Variants in AGAP3 observed in about 807,000 individuals in gnomAD.
AGAP3 encodes the protein ArfGAP with GTPase domain, ankyrin repeat and PH domain 3, also known as arf-GAP with GTPase, ANK repeat and PH domain-containing protein 3.
In AGAP3, 24 loss-of-function variants were observed where a neutral mutation model predicts 96.9. The observed-to-expected ratio is 0.25, with a 90% CI of 0.18 to 0.35. AGAP3 has a LOEUF of 0.35. Among genes scored for constraint, AGAP3 ranks in the 10% least tolerant of loss-of-function variants. The pLI, the probability that AGAP3 is intolerant of heterozygous loss-of-function variation, is 1.00. For synonymous variants in AGAP3, 563 were observed against 536.1 expected, an observed-to-expected ratio of 1.05 and a Z score of -0.69; for missense variants, 876 against 1,254.2, an observed-to-expected ratio of 0.70 and a Z score of 4.55.
At chr7:151,125,900 C>A (rs931716498) in intron 9 of AGAP3, among the ~76,000 whole-genome samples, 1 of 152,266 alleles carries the variant, frequency 6.6e-6, no homozygotes, top group African/African-American at 2.4e-5. Flanking sequence ...GCCTCTGCGC[C>A]GTTCCCATTC....
chr7:151,089,249 T>C (rs1798286958), intron 1 of AGAP3, among the ~76,000 whole-genome samples: 1 of 152,256 alleles, frequency 6.6e-6, no homozygotes, highest in African/African-American at 2.4e-5. Flanking sequence ...CCATATTGCT[T>C]CTGTCCTGCG....
chr7:151,105,232 CTTCTGT>C (rs906281517), intron 1 of AGAP3, among the ~76,000 whole-genome samples: 7 of 152,176 alleles, frequency 4.6e-5, no homozygotes, highest in Non-Finnish European at 5.9e-5. Flanking sequence ...GGGGAACAGT[CTTCTGT>C]TTCTTTTTAC....
In AGAP3 at chr7:151,142,384, G is replaced by T; in HGVS notation, c.2051-28G>T. 1.2e-6 allele frequency: 2 copies of T among 1,605,304 alleles called. No individual in the cohort carries two copies. The highest frequency in any genetic ancestry group is 2.2e-5 in the East Asian group (1 of 44,680). Reference sequence around the variant, plus strand: ...GCGCTCTGGTGGCCTGCCTGCTGTCGCTGTATCATTCTCCTCTCCTTGCCT... The same window carrying T: ...GCGCTCTGGTGGCCTGCCTGCTGTCTCTGTATCATTCTCCTCTCCTTGCCT... On this transcript the variant is annotated intron_variant, in intron 15 of 17. Transcript: ENST00000397238. This position sits in a 1 kb window ranked among gnomAD's most constrained non-coding sequence, Gnocchi z 7.5.
At position 151,138,306 on chromosome 7, in the gene AGAP3, G is replaced by C. The variant is rs1359214812; in HGVS notation, c.1659G>C (p.Gln553His). 2.5e-6 allele frequency: 4 copies of C among 1,610,000 alleles called. No individual in the cohort carries two copies. The Admixed American group carries it at 6.7e-5, about 27-fold the overall frequency. ...CCACTTCCCTGCCCCCAGGCATGCAGCACCCTGGTGAGTGGTGGCTCTGCT... is the reference window on the plus strand; with the variant it reads ...CCACTTCCCTGCCCCCAGGCATGCACCACCCTGGTGAGTGGTGGCTCTGCT... ...EATTSLPPGM[Q>H]HPASGPAEVL... The change falls in exon 12 of 18, where the codon CAG becomes CAC. Residue 553 changes from glutamine to histidine, a missense_variant. Gln to His is a conservative substitution (Grantham distance 24, BLOSUM62 0). Around this residue, in one of 8 missense-constraint regions of AGAP3, gnomAD observed 155 missense variants for 144.4 expected, o/e 1.07. Transcript: ENST00000397238.
intron 1 of AGAP3, among the ~76,000 whole-genome samples, chr7:151,102,609 A>G (rs538570583): frequency 6.6e-6 from 1 of 151,904 alleles, no homozygotes; most frequent in East Asian, 1.9e-4. Flanking sequence ...AAAAAAAAAA[A>G]AAAAAATTTC....
chr7:151,090,419 G>C (rs1375203660), intron 1 of AGAP3: 1 of 133,516 alleles, frequency 7.5e-6, no homozygotes, highest in Non-Finnish European at 1.5e-5. Flanking sequence ...CAGTTACTTC[G>C]AGCATTCCAG....
rs1800749494 is a variant in AGAP3, at chr7:151,139,786, C to T, written c.1667-193C>T. 1.1e-5 allele frequency: 5 copies of T among 445,606 alleles called. No homozygotes were observed. The South Asian group carries it at 3.5e-4, about 31-fold the overall frequency. 27.6% of individuals were successfully genotyped at this position (445,606 alleles called of 1,614,324 possible). ...TCCTATTCTCTTTCCACATTTTCCT[C>T]CTCCAAGGCTGGGGAGCTTTGGGAC... is the stretch of plus-strand genomic sequence containing the variant. On this transcript the variant is annotated intron_variant, in intron 12 of 17. Coordinates refer to ENST00000397238, the MANE Select transcript of AGAP3 (RefSeq NM_031946.7). This position sits in a 1 kb window ranked among gnomAD's most constrained non-coding sequence, Gnocchi z 4.9.
chr7:151,118,233 C>T lies in AGAP3; in HGVS notation c.730C>T (p.Arg244Trp). The T allele has an allele frequency of 1.2e-6, 2 of 1,611,722 alleles. No homozygotes were observed. The highest frequency in any genetic ancestry group is 1.3e-5 in the African/African-American group (1 of 74,972). ...AGATGCCATCAGCGCTGCGAATCCC[C>T]GGGTTATCGACGACAGCAGAGCCCG... The part of the protein sequence containing the change: ...TQDAISAANP[R>W]VIDDSRARKL... Residue 244 changes from arginine (R) to tryptophan (W), a missense_variant, in exon 6 of 18, where the codon CGG becomes TGG. By Grantham distance (101) the Arg-to-Trp change is moderately radical (BLOSUM62 -3). Around this residue, in one of 8 missense-constraint regions of AGAP3, gnomAD observed 131 missense variants for 304.5 expected, o/e 0.43. Coordinates refer to ENST00000397238, the MANE Select transcript of AGAP3 (RefSeq NM_031946.7). The surrounding 1 kb of genome is among the most constrained non-coding windows in gnomAD (Gnocchi z 6.1).
At chr7:151,115,405 CG>C in intron 1 of AGAP3, 1 of 1,011,892 alleles carries the variant, frequency 9.9e-7, no homozygotes, top group East Asian at 8.6e-5. Context: ...GCCCGGCCGC[CG>C]CGCGCGCGCA....
At chr7:151,088,580 G>T (rs1798251895) in intron 1 of AGAP3, among the ~76,000 whole-genome samples, 1 of 152,196 alleles carries the variant, frequency 6.6e-6, no homozygotes, top group African/African-American at 2.4e-5. Context: ...TTCCTGATTT[G>T]CTCCAAGCTT....
intron 10 of AGAP3, among the ~76,000 whole-genome samples, chr7:151,131,656 G>A (rs572939085): frequency 1.1e-4 from 17 of 152,204 alleles, no homozygotes; most frequent in Non-Finnish European, 2.2e-4. Context: ...TGTGGGTGCC[G>A]GCCTGCCCTG....
At chr7:151,119,903 T>G in intron 7 of AGAP3, 84 bp from the exon 8 acceptor site, 3 of 1,416,460 alleles carry the variant, frequency 2.1e-6, no homozygotes, top group Non-Finnish European at 2.9e-6. Flanking sequence ...CAGGCCCCCA[T>G]TAGCACAGGG....
chr7:151,128,267 C>A, intron 9 of AGAP3: 2 of 351,562 alleles, frequency 5.7e-6, no homozygotes, highest in Non-Finnish European at 1.1e-5. Context: ...ATCATCTACA[C>A]CCGACGGTCT....
chr7:151,121,790 C>T (rs1052993780), intron 8 of AGAP3, among the ~76,000 whole-genome samples: 5 of 152,208 alleles, frequency 3.3e-5, no homozygotes, highest in South Asian at 4.1e-4. Context: ...GTCCCTGAGA[C>T]GGCCTCAAGA....
chr7:151,107,005 TTC>T (rs1302916562), intron 1 of AGAP3, among the ~76,000 whole-genome samples: 15 of 152,344 alleles, frequency 9.8e-5, no homozygotes, highest in South Asian at 6.2e-4. Flanking sequence ...TTATTGCATC[TTC>T]TGTTTATAAA....
chr7:151,142,173 G>T lies in AGAP3; in HGVS notation c.1970G>T (p.Gly657Val). The change falls in exon 15 of 18, where the codon GGG (glycine) becomes GTG (valine). Residue 657 changes from glycine (G) to valine (V), a missense_variant. Around this residue, in one of 8 missense-constraint regions of AGAP3, gnomAD observed 103 missense variants for 183.0 expected, o/e 0.56. Transcript: ENST00000397238. The surrounding 1 kb of genome is among the most constrained non-coding windows in gnomAD (Gnocchi z 7.5). ...CCTGCTGTGCGACAGACTCGACTGG[G>T]GAACCAGAACGCAGCTCTGGCTGTG... ...CRSAKDKTRL[G>V]NQNAALAVQA... 1.9e-6 allele frequency: 3 copies of T among 1,613,860 alleles called. No homozygotes were observed. The highest frequency in any genetic ancestry group is 1.7e-6 in the Non-Finnish European group (2 of 1,179,978).
chr7:151,142,515 C>A lies in AGAP3; in HGVS notation c.2154C>A (p.Asp718Glu). The A allele has an allele frequency of 6.2e-7, 1 of 1,613,910 alleles. No individual in the cohort carries two copies. The highest frequency in any genetic ancestry group is 8.5e-7 in the Non-Finnish European group (1 of 1,180,024). The change falls in exon 16 of 18, where the codon GAC (aspartate) becomes GAA (glutamate). Residue 718 changes from aspartate to glutamate, a missense_variant. Around this residue, in one of 8 missense-constraint regions of AGAP3, gnomAD observed 103 missense variants for 183.0 expected, o/e 0.56. Coordinates refer to ENST00000397238, the MANE Select transcript of AGAP3 (RefSeq NM_031946.7). This position sits in a 1 kb window ranked among gnomAD's most constrained non-coding sequence, Gnocchi z 7.5. ...GAHLSRVRSLDLDDWPPELLA... is the reference protein window; with the variant it reads ...GAHLSRVRSLELDDWPPELLA... ...ACCTGTCCCGGGTGCGCTCCCTTGA[C>A]CTCGATGACTGGCCGCCTGAGCTGC...
At chr7:151,134,667 G>T (rs1249673128) in intron 11 of AGAP3, 99 bp downstream of exon 11, 9 of 1,245,120 alleles carry the variant, frequency 7.2e-6, no homozygotes, top group Non-Finnish European at 1.0e-5. Flanking sequence ...TGGGCACAGG[G>T]TGCTGGCCAG....
intron 1 of AGAP3, among the ~76,000 whole-genome samples, chr7:151,101,794 G>A (rs1483613414): frequency 1.3e-5 from 2 of 152,180 alleles, no homozygotes; most frequent in South Asian, 2.1e-4. Context: ...CCAGGGTCTC[G>A]GGAGGCCGGG....
Sources: gnomAD v4.1 joint callset for allele counts (sites outside exome capture counted in the v4.1 genomes callset) on GRCh38, gnomAD v4.1.1 for gene constraint, gnomAD v4.1.1 regional missense constraint, Gnocchi (gnomAD v3.1) non-coding constraint, MANE v1.5 for transcripts, NCBI Gene and HGNC (gene_info 2026-07-23, HGNC 2026-07-21) for gene names.